Variants in SLC24A2 observed in about 807,000 individuals in gnomAD.
The protein encoded by SLC24A2 is solute carrier family 24 member 2.
Under a neutral mutation model 62.0 loss-of-function variants are expected in SLC24A2, and 36 were observed. That is an observed-to-expected ratio of 0.58 (90% confidence interval 0.44 to 0.77). The LOEUF is 0.77. Ranked by LOEUF, SLC24A2 falls within the 30% of genes least tolerant of loss-of-function variation. The pLI, the probability that SLC24A2 is intolerant of heterozygous loss-of-function variation, is 0.00. For missense variants in SLC24A2, 846 were observed against 817.9 expected (o/e 1.03, Z -0.42); for synonymous variants, 358 against 294.0 (o/e 1.22, Z -2.23).
chr9:19,817,792 C>A, the SLC24A2 span, among the ~76,000 whole-genome samples: 20 of 152,172 alleles, frequency 1.3e-4, no homozygotes, highest in African/African-American at 4.6e-4. Flanking sequence ...TGCAGTGGTA[C>A]AACCATAGCT....
the SLC24A2 span, among the ~76,000 whole-genome samples, chr9:20,292,535 G>C: frequency 6.6e-6 from 1 of 152,170 alleles, no homozygotes; most frequent in Non-Finnish European, 1.5e-5. Flanking sequence ...ACGTGCTGGG[G>C]CTGCTGTAAC....
At chr9:20,206,650 T>C in the SLC24A2 span, among the ~76,000 whole-genome samples, 1 of 152,022 alleles carries the variant, frequency 6.6e-6, no homozygotes, top group East Asian at 1.9e-4. Flanking sequence ...CCCAGCTAAT[T>C]TTTGTATTTT....
the SLC24A2 span, among the ~76,000 whole-genome samples, chr9:20,077,457 A>G: frequency 2.6e-5 from 4 of 152,218 alleles, no homozygotes; most frequent in Non-Finnish European, 5.9e-5. Context: ...TTTAAAACAA[A>G]GTAGCTAGAA....
chr9:20,275,687 G>A, the SLC24A2 span, among the ~76,000 whole-genome samples: 3 of 152,184 alleles, frequency 2.0e-5, no homozygotes, highest in Non-Finnish European at 2.9e-5. Context: ...TTCTACGTGT[G>A]TATTCCTCCA....
At chr9:20,307,658 A>G in the SLC24A2 span, among the ~76,000 whole-genome samples, 1 of 152,218 alleles carries the variant, frequency 6.6e-6, no homozygotes, top group Non-Finnish European at 1.5e-5. Context: ...CTTACTGCTT[A>G]AAGAGATGAC....
the SLC24A2 span, among the ~76,000 whole-genome samples, chr9:20,268,296 C>T: frequency 6.6e-6 from 1 of 152,116 alleles, no homozygotes; most frequent in African/African-American, 2.4e-5. Flanking sequence ...GCCTTATGCC[C>T]CACTGCTATG....
At chr9:19,881,968 T>A in the SLC24A2 span, among the ~76,000 whole-genome samples, 1 of 152,342 alleles carries the variant, frequency 6.6e-6, no homozygotes, top group African/African-American at 2.4e-5. Flanking sequence ...TTTTAATAAC[T>A]TTAATAATTC....
chr9:20,179,879 G>A, the SLC24A2 span, among the ~76,000 whole-genome samples: 1 of 152,106 alleles, frequency 6.6e-6, no homozygotes, highest in Non-Finnish European at 1.5e-5. Flanking sequence ...GAACAGAACT[G>A]CACAAAAGGG....
intron 2 of SLC24A2, among the ~76,000 whole-genome samples, chr9:19,682,349 C>T (rs536819458): frequency 6.6e-6 from 1 of 152,210 alleles, no homozygotes; most frequent in African/African-American, 2.4e-5. Flanking sequence ...AACCTGGGCC[C>T]TTCTGTAAGC....
At chr9:19,830,584 G>C in the SLC24A2 span, among the ~76,000 whole-genome samples, 2 of 152,174 alleles carry the variant, frequency 1.3e-5, no homozygotes, top group Non-Finnish European at 2.9e-5. Context: ...TTTCAGGGTA[G>C]AATGAAATTG....
chr9:19,754,226 GC>G (rs1399483153), intron 2 of SLC24A2, among the ~76,000 whole-genome samples: 1 of 152,102 alleles, frequency 6.6e-6, no homozygotes, highest in African/African-American at 2.4e-5. Context: ...CACAGGCCCT[GC>G]CCCACTCATT....
At chr9:20,013,729 G>A in the SLC24A2 span, among the ~76,000 whole-genome samples, 3 of 152,134 alleles carry the variant, frequency 2.0e-5, no homozygotes, top group Non-Finnish European at 4.4e-5. Flanking sequence ...TCAAACAACT[G>A]TGTAGTAAGA....
chr9:20,261,733 C>CTTTTTTTTTTTTTTTT, the SLC24A2 span, among the ~76,000 whole-genome samples: 3 of 75,282 alleles, frequency 4.0e-5, 1 homozygote, highest in African/African-American at 5.4e-5. Context: ...AACACCAAAT[C>CTTTTTTTTTTTTTTTT]TTTTTTTTTT....
At position 19,513,158 on chromosome 9, in the gene SLC24A2, A is replaced by ATATATATATATATATATG. The variant is rs1294336979; in HGVS notation, c.*2977_*2994dup. 3.3e-5 allele frequency: 2 copies of ATATATATATATATATATG among 60,380 alleles called. No homozygotes were observed. Among genetic ancestry groups the ATATATATATATATATATG allele is most frequent in the Non-Finnish European group, 7.1e-5 (2 of 28,308 alleles). 3.7% of individuals were successfully genotyped at this position (60,380 alleles called of 1,614,324 possible). A position where few individuals can be genotyped will look rare whatever the true frequency, so the allele number is the denominator to read the frequency against. Reference sequence around the variant, plus strand: ...ACATATAGATCTGGTATAAAGATATATATATATATATATATATGTATATAT... The same window carrying ATATATATATATATATATG: ...ACATATAGATCTGGTATAAAGATATATATATATATATATATATGTATATATATATATATATGTATATAT... On this transcript the variant is annotated 3_prime_UTR_variant, in exon 11 of 11. Coordinates refer to ENST00000341998, the MANE Select transcript of SLC24A2 (RefSeq NM_020344.4).
At chr9:19,947,790 CAAAAAA>C in the SLC24A2 span, among the ~76,000 whole-genome samples, 9 of 84,984 alleles carry the variant, frequency 1.1e-4, no homozygotes, top group Admixed American at 3.5e-4. Flanking sequence ...GACTCTGTCT[CAAAAAA>C]AAAAAAAAAA....
At chr9:20,139,518 A>G in the SLC24A2 span, among the ~76,000 whole-genome samples, 1 of 152,240 alleles carries the variant, frequency 6.6e-6, no homozygotes, top group Admixed American at 6.5e-5. Flanking sequence ...CACACTGTAC[A>G]GAGAATTCCA....
chr9:19,543,090 C>T (rs1228542259), intron 8 of SLC24A2, among the ~76,000 whole-genome samples: 2 of 152,156 alleles, frequency 1.3e-5, no homozygotes, highest in East Asian at 3.9e-4. Context: ...CTATTAATTA[C>T]TGCCTCAATT....
At chr9:19,778,723 A>G (rs771791866) in intron 2 of SLC24A2, among the ~76,000 whole-genome samples, 1 of 152,220 alleles carries the variant, frequency 6.6e-6, no homozygotes, top group Non-Finnish European at 1.5e-5. Context: ...GGAGGAATGT[A>G]CTTAAAACCC....
chr9:20,253,261 AC>A, the SLC24A2 span, among the ~76,000 whole-genome samples: 3 of 152,230 alleles, frequency 2.0e-5, no homozygotes, highest in African/African-American at 7.2e-5. Context: ...GCTCCCATTT[AC>A]AAAATATGAA....
Sources: gnomAD v4.1 joint callset for allele counts (sites outside exome capture counted in the v4.1 genomes callset) on GRCh38, gnomAD v4.1.1 for gene constraint, MANE v1.5 for transcripts, NCBI Gene and HGNC (gene_info 2026-07-23, HGNC 2026-07-21) for gene names.